FHIT: variants seen among roughly 807,000 people sequenced by gnomAD.
FHIT encodes fragile histidine triad diadenosine triphosphatase, also known as bis(5'-adenosyl)-triphosphatase.
FHIT carries 19 observed loss-of-function variants against 17.9 expected under a neutral mutation model. That is an observed-to-expected ratio of 1.06 (90% CI 0.74 to 1.56). The LOEUF is 1.56. FHIT is among the 40% of genes most tolerant of loss of function. The pLI is 0.00. For synonymous variants in FHIT, 81 were observed against 69.7 expected, an observed-to-expected ratio of 1.16 and a Z score of -0.81; for missense variants, 248 against 189.2, an observed-to-expected ratio of 1.31 and a Z score of -1.82.
intron 5 of FHIT, among the ~76,000 whole-genome samples, chr3:60,105,948 C>A (rs936202316): frequency 2.0e-5 from 3 of 152,144 alleles, no homozygotes; most frequent in African/African-American, 7.2e-5. Flanking sequence ...CCTTGGTTAA[C>A]CATGGTCCAA....
chr3:60,511,727 A>G (rs1395018349), intron 5 of FHIT, among the ~76,000 whole-genome samples: 2 of 152,146 alleles, frequency 1.3e-5, no homozygotes, highest in Non-Finnish European at 2.9e-5. Context: ...TTGGTTTCTA[A>G]TTATCTTCTA....
intron 5 of FHIT, among the ~76,000 whole-genome samples, chr3:60,291,877 G>A (rs1708000525): frequency 6.6e-6 from 1 of 152,126 alleles, no homozygotes; most frequent in African/African-American, 2.4e-5. Context: ...GGAGCCACTA[G>A]AAGCTCGAAG....
intron 3 of FHIT, among the ~76,000 whole-genome samples, chr3:60,972,792 C>G (rs918639533): frequency 2.6e-5 from 4 of 151,948 alleles, no homozygotes; most frequent in African/African-American, 9.7e-5. Context: ...GATATTTTCC[C>G]TTGATCTATT....
At chr3:60,732,680 A>T in intron 4 of FHIT, 2 of 236,164 alleles carry the variant, frequency 8.5e-6, no homozygotes, top group East Asian at 9.5e-5. Flanking sequence ...GTCTGCAAAG[A>T]CTGCTTTTTT....
chr3:60,038,778 A>G (rs546565573), intron 5 of FHIT, among the ~76,000 whole-genome samples: 1 of 152,356 alleles, frequency 6.6e-6, no homozygotes, highest in South Asian at 2.1e-4. Flanking sequence ...ATTAAGAAAC[A>G]GCTACCATGG....
chr3:60,341,339 A>G (rs1485455979), intron 5 of FHIT, among the ~76,000 whole-genome samples: 3 of 152,216 alleles, frequency 2.0e-5, no homozygotes, highest in Non-Finnish European at 4.4e-5. Context: ...CAGTTTAAAA[A>G]TTGAGTAAAT....
intron 5 of FHIT, among the ~76,000 whole-genome samples, chr3:60,342,798 G>A (rs1196206838): frequency 2.6e-5 from 4 of 152,146 alleles, no homozygotes; most frequent in Non-Finnish European, 4.4e-5. Context: ...AATGCAGAAG[G>A]TAAAAGTATT....
intron 5 of FHIT, among the ~76,000 whole-genome samples, chr3:60,304,625 T>G (rs1242291638): frequency 6.6e-6 from 1 of 152,142 alleles, no homozygotes; most frequent in Non-Finnish European, 1.5e-5. Flanking sequence ...CAGTTAATCT[T>G]TAGATAAATA....
chr3:60,159,497 TA>T (rs1370085692), intron 5 of FHIT, among the ~76,000 whole-genome samples: 8 of 152,168 alleles, frequency 5.3e-5, no homozygotes, highest in Non-Finnish European at 8.8e-5. Flanking sequence ...TCGTATGGTT[TA>T]AATTAAATTA....
chr3:60,577,948 G>A (rs1283615849), intron 4 of FHIT, among the ~76,000 whole-genome samples: 3 of 152,070 alleles, frequency 2.0e-5, no homozygotes, highest in African/African-American at 7.2e-5. Flanking sequence ...AAGGCTAAGG[G>A]ATCACTTTAA....
chr3:60,037,640 T>C (rs1165110455), intron 5 of FHIT, among the ~76,000 whole-genome samples: 3 of 151,696 alleles, frequency 2.0e-5, no homozygotes, highest in Non-Finnish European at 4.4e-5. Flanking sequence ...ACTTGGCCTC[T>C]CAAAGTGCTG....
chr3:61,128,598 G>A (rs1318928537), intron 2 of FHIT, among the ~76,000 whole-genome samples: 1 of 152,054 alleles, frequency 6.6e-6, no homozygotes, highest in Non-Finnish European at 1.5e-5. Flanking sequence ...TTCTCTTTGT[G>A]TGCCAAAGAA....
chr3:59,767,707 A>G (rs1347355093), intron 8 of FHIT, among the ~76,000 whole-genome samples: 1 of 152,142 alleles, frequency 6.6e-6, no homozygotes, highest in Non-Finnish European at 1.5e-5. Flanking sequence ...TGCCAAGTAC[A>G]AACATGATCT....
intron 7 of FHIT, among the ~76,000 whole-genome samples, chr3:59,977,863 G>T (rs1227145810): frequency 6.6e-6 from 1 of 152,136 alleles, no homozygotes; most frequent in Non-Finnish European, 1.5e-5. Context: ...CACATTAAAA[G>T]AAAGAGAGTG....
chr3:60,640,291 A>G (rs1201318038), intron 4 of FHIT, among the ~76,000 whole-genome samples: 4 of 151,950 alleles, frequency 2.6e-5, no homozygotes, highest in Non-Finnish European at 5.9e-5. Context: ...CTATACCCCA[A>G]TAAGCTTTTT....
intron 7 of FHIT, among the ~76,000 whole-genome samples, chr3:59,948,373 C>G (rs1035778207): frequency 1.5e-5 from 2 of 137,246 alleles, no homozygotes; most frequent in African/African-American, 2.8e-5. Context: ...AAAAATTAGC[C>G]GGGCATAGTG....
chr3:60,534,439 C>CAAAAAAAAAAAAAAAAAAAAAAAAAAAAA (rs563992117), intron 5 of FHIT, among the ~76,000 whole-genome samples: 2 of 32,410 alleles, frequency 6.2e-5, no homozygotes, highest in Admixed American at 5.1e-4. Flanking sequence ...GACTCCGTCT[C>CAAAAAAAAAAAAAAAAAAAAAAAAAAAAA]AAAAAAAAAA....
Position 60,402,129 on chromosome 3 carries a change from T to C in FHIT, c.103+134731A>G, listed in dbSNP as rs527573813. Among the ~76,000 whole-genome samples, 30 of 152,308 alleles carry C rather than the reference T, an allele frequency of 2.0e-4. 1 individual carries two copies. Among genetic ancestry groups the C allele is most frequent in the African/African-American group, 7.0e-4 (29 of 41,570 alleles). Reference sequence around the variant, plus strand: ...TCCTGATCTTTATCATCTTGCATTCTACTTAAAGAAGGATTTAAAGAGAAA... The same window carrying C: ...TCCTGATCTTTATCATCTTGCATTCCACTTAAAGAAGGATTTAAAGAGAAA... On this transcript the variant is annotated intron_variant, in intron 5 of 9. Coordinates refer to ENST00000492590, the MANE Select transcript of FHIT (RefSeq NM_002012.4).
At chr3:60,952,958 TA>T (rs1559859932) in intron 3 of FHIT, among the ~76,000 whole-genome samples, 1 of 152,194 alleles carries the variant, frequency 6.6e-6, no homozygotes, top group Non-Finnish European at 1.5e-5. Flanking sequence ...TTATATTAAA[TA>T]AATGTGTGTG....
Sources: allele counts gnomAD v4.1 joint callset (sites outside exome capture counted in the v4.1 genomes callset), GRCh38; gene constraint gnomAD v4.1.1; transcripts MANE v1.5; gene names NCBI Gene and HGNC (gene_info 2026-07-23, HGNC 2026-07-21).